Variants in DPP10 observed in about 807,000 individuals in gnomAD.
The protein encoded by DPP10 is inactive dipeptidyl peptidase 10.
Under a neutral mutation model 120.9 loss-of-function variants are expected in DPP10, and 33 were observed. That is an observed-to-expected ratio of 0.27 (90% CI 0.21 to 0.37). The LOEUF (loss-of-function observed/expected upper bound fraction) is 0.37. Among genes scored for constraint, DPP10 ranks in the 10% least tolerant of loss-of-function variants. DPP10 has a pLI of 1.00. For missense variants in DPP10, 816 were observed against 942.8 expected, an observed-to-expected ratio of 0.87 and a Z score of 1.76; for synonymous variants, 337 against 326.1, an observed-to-expected ratio of 1.03 and a Z score of -0.36.
intron 1 of DPP10, among the ~76,000 whole-genome samples, chr2:114,848,469 G>A (rs1004894845): frequency 6.6e-6 from 1 of 152,178 alleles, no homozygotes; most frequent in Admixed American, 6.5e-5. Flanking sequence ...CATTCCCCTC[G>A]AGGAAGTAAG....
chr2:115,739,644 T>C lies in DPP10; in HGVS notation c.698-95T>C, dbSNP rs1677006190. The C allele has an allele frequency of 3.1e-6, 4 of 1,278,414 alleles. No individual in the cohort carries two copies. In the Admixed American group the frequency reaches 6.3e-5, roughly 20 times the overall value. 79.2% of individuals were successfully genotyped at this position (1,278,414 alleles called of 1,614,324 possible). A position where few individuals can be genotyped will look rare whatever the true frequency, so the allele number is the denominator to read the frequency against. On this transcript the variant is annotated intron_variant, in intron 8 of 25. Transcript: ENST00000410059. Reference sequence around the variant, plus strand: ...AAAATTCAATACACAGTCTAGAAAATATAGGTGTACAATGGAGATTTCAAG... The same window carrying C: ...AAAATTCAATACACAGTCTAGAAAACATAGGTGTACAATGGAGATTTCAAG...
chr2:115,071,302 T>G (rs1707348814), intron 1 of DPP10, among the ~76,000 whole-genome samples: 1 of 152,200 alleles, frequency 6.6e-6, no homozygotes, highest in Non-Finnish European at 1.5e-5. Context: ...TCCCATGCAG[T>G]GTATGGTGTT....
chr2:115,842,402 A>G lies in DPP10; in HGVS notation c.*57A>G. On this transcript the variant is annotated 3_prime_UTR_variant, in exon 26 of 26. Transcript: ENST00000410059. ...ATTGAGGCTCAATGAAACCTGACAA[A>G]GAGACTGTAATATTGTAGTTGCTCC... 1 of 1,563,386 alleles carries G rather than the reference A, an allele frequency of 6.4e-7. No homozygotes were observed. Among genetic ancestry groups the G allele is most frequent in the Non-Finnish European group, 8.7e-7 (1 of 1,149,616 alleles).
intron 1 of DPP10, among the ~76,000 whole-genome samples, chr2:114,443,504 T>C (rs1677773249): frequency 6.6e-6 from 1 of 152,152 alleles, no homozygotes; most frequent in Non-Finnish European, 1.5e-5. Flanking sequence ...CACTCTTCTG[T>C]TTTAGTTTCA....
At chr2:115,114,998 G>A (rs78621684) in intron 1 of DPP10, among the ~76,000 whole-genome samples, 3,230 of 151,966 alleles carry the variant, frequency 0.021, 42 homozygotes, top group Non-Finnish European at 0.034. Context: ...TGTTCACAAA[G>A]TGAACAGGTG....
chr2:114,867,856 G>A lies in DPP10; in HGVS notation c.60+425018G>A, dbSNP rs80157449. ...AGAAAAGGTCACTGGGCTGGCTTCCGTGAGTCTTCACATCTGACACTCAGC... is the reference window on the plus strand; with the variant it reads ...AGAAAAGGTCACTGGGCTGGCTTCCATGAGTCTTCACATCTGACACTCAGC... On this transcript the variant is annotated intron_variant, in intron 1 of 25. Coordinates refer to ENST00000410059, the MANE Select transcript of DPP10 (RefSeq NM_020868.6). Among the ~76,000 whole-genome samples the A allele has an allele frequency of 1.1e-3, 174 of 152,310 alleles. 1 individual carries two copies. The highest frequency in any genetic ancestry group is 3.6e-3 in the African/African-American group (151 of 41,578).
At chr2:114,698,400 G>A (rs1359662418) in intron 1 of DPP10, among the ~76,000 whole-genome samples, 2 of 152,100 alleles carry the variant, frequency 1.3e-5, no homozygotes, top group African/African-American at 4.8e-5. Context: ...GCAACCTCAT[G>A]AGAGACCACG....
intron 1 of DPP10, among the ~76,000 whole-genome samples, chr2:114,819,202 CTT>C (rs775159249): frequency 5.8e-5 from 8 of 138,934 alleles, no homozygotes; most frequent in Non-Finnish European, 4.7e-5. Context: ...ACTTACTAAG[CTT>C]TTTTTTTTTT....
chr2:115,762,926 G>A (rs1444970182), intron 12 of DPP10, among the ~76,000 whole-genome samples: 1 of 152,154 alleles, frequency 6.6e-6, no homozygotes, highest in African/African-American at 2.4e-5. Flanking sequence ...GAAATCATTA[G>A]CATTGTTCAA....
chr2:114,825,528 A>T (rs534933739), intron 1 of DPP10, among the ~76,000 whole-genome samples: 14 of 152,292 alleles, frequency 9.2e-5, no homozygotes, highest in African/African-American at 3.1e-4. Flanking sequence ...TCTAAACATA[A>T]AGAAGCTATC....
intron 5 of DPP10, among the ~76,000 whole-genome samples, chr2:115,643,307 C>T (rs1304228900): frequency 1.4e-4 from 22 of 152,166 alleles, no homozygotes; most frequent in Admixed American, 1.4e-3. Flanking sequence ...TCCACTGTGA[C>T]ATTGGCTACT....
intron 3 of DPP10, among the ~76,000 whole-genome samples, chr2:115,377,493 T>G (rs1441876140): frequency 3.9e-5 from 6 of 152,164 alleles, no homozygotes; most frequent in Non-Finnish European, 7.4e-5. Flanking sequence ...TTCCTCCCAT[T>G]CTGTAGGTTG....
chr2:114,884,555 G>T lies in DPP10; in HGVS notation c.61-424684G>T, dbSNP rs909127370. Among the ~76,000 whole-genome samples, 9 of 151,934 alleles carry T rather than the reference G, an allele frequency of 5.9e-5. No homozygotes were observed. The East Asian group carries it at 9.7e-4, about 16-fold the overall frequency. ...TTACTCCTCTGTCTCCCCCTTCCAC[G>T]TTTATGTTTTTTTATTTCAATAGGT... is the stretch of plus-strand genomic sequence containing the variant. On this transcript the variant is annotated intron_variant, in intron 1 of 25. Transcript: ENST00000410059.
intron 1 of DPP10, among the ~76,000 whole-genome samples, chr2:115,180,564 G>A (rs1012600314): frequency 6.6e-6 from 1 of 152,126 alleles, no homozygotes; most frequent in East Asian, 1.9e-4. Flanking sequence ...AGGAAGTCAG[G>A]ATTCCCTTGA....
At chr2:114,983,773 C>T (rs552180667) in intron 1 of DPP10, among the ~76,000 whole-genome samples, 1 of 152,178 alleles carries the variant, frequency 6.6e-6, no homozygotes, top group South Asian at 2.1e-4. Flanking sequence ...ATTGTCTCAT[C>T]CATATTAATT....
intron 19 of DPP10, among the ~76,000 whole-genome samples, chr2:115,810,696 C>G (rs931146492): frequency 1.3e-5 from 2 of 152,158 alleles, no homozygotes; most frequent in Non-Finnish European, 2.9e-5. Flanking sequence ...GACCTTTTCA[C>G]TGCTTAAAAC....
chr2:114,740,636 C>T (rs923569115), intron 1 of DPP10, among the ~76,000 whole-genome samples: 3 of 152,104 alleles, frequency 2.0e-5, no homozygotes, highest in African/African-American at 7.2e-5. Context: ...TGGGCTATCC[C>T]CTTCCAATAA....
intron 5 of DPP10, among the ~76,000 whole-genome samples, chr2:115,682,101 A>T (rs1245907989): frequency 6.6e-6 from 1 of 151,950 alleles, no homozygotes; most frequent in Non-Finnish European, 1.5e-5. Context: ...TTATTTCTGC[A>T]TGGATATGCT....
intron 3 of DPP10, among the ~76,000 whole-genome samples, chr2:115,353,848 A>C (rs1230772830): frequency 1.3e-5 from 2 of 152,178 alleles, no homozygotes; most frequent in Non-Finnish European, 2.9e-5. Flanking sequence ...ACTAGAGTAG[A>C]GAAAACGTTT....
Sources: allele counts gnomAD v4.1 joint callset (sites outside exome capture counted in the v4.1 genomes callset), GRCh38; gene constraint gnomAD v4.1.1; transcripts MANE v1.5; gene names NCBI Gene and HGNC (gene_info 2026-07-23, HGNC 2026-07-21).